Variants in FOCAD observed in about 807,000 individuals in gnomAD.
FOCAD encodes the protein KIAA1797.
A neutral mutation model predicts 225.6 loss-of-function variants in FOCAD; 198 were observed. That is an observed-to-expected ratio of 0.88 (90% CI 0.78 to 0.99). The LOEUF (loss-of-function observed/expected upper bound fraction) is 0.99, where lower values mean the gene tolerates loss of function less well. Among genes scored for constraint, FOCAD ranks in the 50% least tolerant of loss-of-function variants. The pLI is 0.00. For synonymous variants in FOCAD, 897 were observed against 755.0 expected (o/e 1.19, Z -3.08); for missense variants, 2,713 against 2,123.6 (o/e 1.28, Z -5.46).
At chr9:20,779,593 C>A (rs1819157021) in intron 9 of FOCAD, among the ~76,000 whole-genome samples, 2 of 151,946 alleles carry the variant, frequency 1.3e-5, no homozygotes, top group South Asian at 4.2e-4. Flanking sequence ...ACTAAAAATA[C>A]AAAAAAATTA....
intron 15 of FOCAD, among the ~76,000 whole-genome samples, chr9:20,855,344 G>A (rs1405682572): frequency 6.6e-6 from 1 of 151,576 alleles, no homozygotes; most frequent in Non-Finnish European, 1.5e-5. Context: ...GAGACTGGAG[G>A]AATAGATGGA....
intron 23 of FOCAD, 55 bp from the exon 24 acceptor site, chr9:20,916,838 G>C (rs771924464): frequency 6.1e-6 from 9 of 1,482,608 alleles, no homozygotes; most frequent in Non-Finnish European, 8.3e-6. Context: ...AAAAGAGAAA[G>C]GAATGATTTC....
intron 4 of FOCAD, among the ~76,000 whole-genome samples, chr9:20,737,466 C>G (rs1701935453): frequency 6.6e-6 from 1 of 152,212 alleles, no homozygotes; most frequent in African/African-American, 2.4e-5. Context: ...GTCATTTCAA[C>G]TAATCATTAG....
rs1032055132 is a variant in FOCAD at position 20,771,121 on chromosome 9, C to T, written c.906+883C>T. On this transcript the variant is annotated intron_variant, in intron 8 of 43. Coordinates refer to ENST00000338382, the MANE Select transcript of FOCAD (RefSeq NM_001375567.1). ...GCCTGGTACAAGGGCCTGGGAAGGGCATTCCAGCTGTAGAACAGCATGTGC... is the reference window on the plus strand; with the variant it reads ...GCCTGGTACAAGGGCCTGGGAAGGGTATTCCAGCTGTAGAACAGCATGTGC... 6.6e-5 allele frequency among the ~76,000 whole-genome samples: 10 copies of T among 152,236 alleles called. No homozygotes were observed. In the East Asian group the frequency reaches 1.2e-3, roughly 18 times the overall value.
At chr9:20,810,065 A>G (rs537137455) in intron 11 of FOCAD, among the ~76,000 whole-genome samples, 8 of 152,206 alleles carry the variant, frequency 5.3e-5, no homozygotes, top group East Asian at 3.9e-4. Flanking sequence ...CTTAAGATTT[A>G]TTACAGTGAA....
chr9:20,749,519 T>C (rs1218220622), intron 5 of FOCAD, among the ~76,000 whole-genome samples: 1 of 152,188 alleles, frequency 6.6e-6, no homozygotes, highest in African/African-American at 2.4e-5. Context: ...ACTTAAAATC[T>C]GCAGATTAAA....
intron 5 of FOCAD, among the ~76,000 whole-genome samples, chr9:20,744,220 T>C (rs750460084): frequency 6.6e-6 from 1 of 152,164 alleles, no homozygotes; most frequent in South Asian, 2.1e-4. Flanking sequence ...CTGACACTTG[T>C]TTACTGTGCA....
intron 28 of FOCAD, among the ~76,000 whole-genome samples, chr9:20,935,715 A>G (rs1835884602): frequency 6.6e-6 from 1 of 152,154 alleles, no homozygotes; most frequent in Admixed American, 6.5e-5. Context: ...ATCTTTTTAA[A>G]GATTTGTTGA....
intron 2 of FOCAD, among the ~76,000 whole-genome samples, chr9:20,672,063 A>G (rs940821755): frequency 6.6e-6 from 1 of 151,964 alleles, no homozygotes; most frequent in African/African-American, 2.4e-5. Flanking sequence ...ATAACTCCAT[A>G]GTGTGTACAT....
At position 20,738,625 on chromosome 9, in the gene FOCAD, A is replaced by G. The variant is rs139372904; in HGVS notation, c.288-1611A>G. Among the ~76,000 whole-genome samples, 600 of 152,360 alleles carry G rather than the reference A, an allele frequency of 3.9e-3. 2 individuals are homozygous for G. Among genetic ancestry groups the G allele is most frequent in the African/African-American group, 0.014 (568 of 41,584 alleles). On this transcript the variant is annotated intron_variant, in intron 4 of 43. Coordinates refer to ENST00000338382, the MANE Select transcript of FOCAD (RefSeq NM_001375567.1). ...ATGGTCCTAAGAGGATCCATATGGA[A>G]GAGAAAACATACCACTGTAGATTGT...
intron 41 of FOCAD, 134 bp from the exon 42 acceptor site, chr9:20,989,989 G>A: frequency 1.1e-6 from 1 of 896,836 alleles, no homozygotes; most frequent in Non-Finnish European, 1.7e-6. Context: ...CTTCTGGGTG[G>A]GGGTAGGGCA....
intron 35 of FOCAD, among the ~76,000 whole-genome samples, chr9:20,953,383 G>T (rs1837857304): frequency 1.3e-5 from 2 of 152,198 alleles, no homozygotes; most frequent in African/African-American, 4.8e-5. Context: ...AAGTGAGTGT[G>T]ATCTAGAAAG....
chr9:20,904,848 C>T (rs548934221), intron 21 of FOCAD, among the ~76,000 whole-genome samples: 1 of 152,030 alleles, frequency 6.6e-6, no homozygotes, highest in Admixed American at 6.6e-5. Flanking sequence ...GCAAATTGGA[C>T]ATAATTGTCA....
chr9:20,961,161 C>G (rs539243048), intron 35 of FOCAD, among the ~76,000 whole-genome samples: 3 of 151,932 alleles, frequency 2.0e-5, no homozygotes, highest in African/African-American at 4.8e-5. Flanking sequence ...CACTCCTCCC[C>G]TCCCCTCCGC....
intron 24 of FOCAD, among the ~76,000 whole-genome samples, chr9:20,918,355 T>G (rs1303133071): frequency 1.3e-5 from 2 of 152,244 alleles, no homozygotes; most frequent in African/African-American, 4.8e-5. Flanking sequence ...TATCACTTCG[T>G]GACTAATACC....
intron 38 of FOCAD, among the ~76,000 whole-genome samples, chr9:20,982,021 A>C (rs555661751): frequency 1.3e-5 from 2 of 152,192 alleles, no homozygotes; most frequent in Non-Finnish European, 2.9e-5. Context: ...ATGAGTTCCC[A>C]TATACTGTTT....
chr9:20,874,673 C>T lies in FOCAD; in HGVS notation c.2191-8C>T. The T allele has an allele frequency of 6.2e-7, 1 of 1,611,502 alleles. No homozygotes were observed. Among genetic ancestry groups the T allele is most frequent in the Non-Finnish European group, 8.5e-7 (1 of 1,178,802 alleles). On this transcript the variant is annotated splice_region_variant and splice_polypyrimidine_tract_variant and intron_variant, in intron 18 of 43. Coordinates refer to ENST00000338382, the MANE Select transcript of FOCAD (RefSeq NM_001375567.1). ...TCCTCTCTATGATCTTTTCGCTTATCATTTCAGATAAGACCAGAAATTCCC... is the reference window on the plus strand; with the variant it reads ...TCCTCTCTATGATCTTTTCGCTTATTATTTCAGATAAGACCAGAAATTCCC...
intron 15 of FOCAD, among the ~76,000 whole-genome samples, chr9:20,853,903 T>C (rs536415672): frequency 6.6e-6 from 1 of 151,854 alleles, no homozygotes; most frequent in East Asian, 1.9e-4. Context: ...TTGTTTCTGC[T>C]CCATTGATTG....
intron 19 of FOCAD, among the ~76,000 whole-genome samples, chr9:20,881,255 T>G (rs1587491508): frequency 6.6e-6 from 1 of 152,178 alleles, no homozygotes; most frequent in African/African-American, 2.4e-5. Context: ...ATATCAACTT[T>G]GTGTTTTTGA....
Sources: allele counts gnomAD v4.1 joint callset (sites outside exome capture counted in the v4.1 genomes callset), GRCh38; gene constraint gnomAD v4.1.1; transcripts MANE v1.5; gene names NCBI Gene and HGNC (gene_info 2026-07-23, HGNC 2026-07-21).